The following TENM4 variants were observed in gnomAD, a reference collection of about 807,000 sequenced individuals.
The protein encoded by TENM4 is teneurin-4.
Under a neutral mutation model 243.3 loss-of-function variants are expected in TENM4, and 82 were observed. The ratio of observed to expected loss-of-function variants is 0.34; its 90% CI spans 0.28 to 0.40. TENM4 has a LOEUF of 0.40. TENM4 is among the 10% of genes least tolerant of loss of function. The pLI, the probability that TENM4 is intolerant of heterozygous loss-of-function variation, is 1.00. For synonymous variants in TENM4, 1,412 were observed against 1,456.3 expected (o/e 0.97, Z 0.69); for missense variants, 3,138 against 3,673.3 (o/e 0.85, Z 3.77).
chr11:79,406,926 A>C (rs1338130860), intron 1 of TENM4, among the ~76,000 whole-genome samples: 3 of 152,182 alleles, frequency 2.0e-5, no homozygotes, highest in Non-Finnish European at 4.4e-5. Flanking sequence ...GGAAAGCAAA[A>C]AAATTTGATC....
At chr11:78,857,423 A>G (rs1335393825) in intron 10 of TENM4, among the ~76,000 whole-genome samples, 1 of 152,212 alleles carries the variant, frequency 6.6e-6, no homozygotes, top group East Asian at 1.9e-4. Context: ...TACAAAGCAC[A>G]TTTGATGCTG....
intron 6 of TENM4, among the ~76,000 whole-genome samples, chr11:79,015,929 C>A (rs1052270250): frequency 6.6e-6 from 1 of 151,834 alleles, no homozygotes; most frequent in Non-Finnish European, 1.5e-5. Context: ...TTAGATTGGA[C>A]CTAAAGATGT....
At position 78,670,074 on chromosome 11, in the gene TENM4, C is replaced by T. The variant is rs756638304; in HGVS notation, c.6271G>A (p.Val2091Met). 2 of 1,613,922 alleles carry T rather than the reference C, an allele frequency of 1.2e-6. No homozygotes were observed. Among genetic ancestry groups the T allele is most frequent in the Non-Finnish European group, 1.7e-6 (2 of 1,179,886 alleles). Residue 2091 changes from valine (V) to methionine (M), a missense_variant, in exon 32 of 34, where the codon GTG becomes ATG. By Grantham distance (21) the Val-to-Met change is conservative. Around this residue, in one of 2 missense-constraint regions of TENM4, gnomAD observed 2,467 missense variants for 3,059.1 expected, o/e 0.81. Transcript: ENST00000278550. Reference protein sequence around the residue: ...FDYNYDNSFRVTSMQAVINET... With the variant: ...FDYNYDNSFRMTSMQAVINET... ...TTGATCACAGCCTGCATGCTGGTCA[C>T]CCGGAAGCTGTTGTCATAGTTGTAG...
At chr11:79,143,339 T>C (rs1158182344) in intron 4 of TENM4, among the ~76,000 whole-genome samples, 5 of 152,110 alleles carry the variant, frequency 3.3e-5, no homozygotes, top group East Asian at 1.9e-4. Flanking sequence ...TGGAATACTA[T>C]GCAGCCATAA....
At chr11:79,160,694 AAT>A (rs1862725477) in intron 3 of TENM4, among the ~76,000 whole-genome samples, 1 of 152,198 alleles carries the variant, frequency 6.6e-6, no homozygotes, top group Non-Finnish European at 1.5e-5. Context: ...AGTTGTCAGC[AAT>A]ATCATGGCAG....
chr11:79,407,069 A>G (rs997153199), intron 1 of TENM4, among the ~76,000 whole-genome samples: 1 of 152,196 alleles, frequency 6.6e-6, no homozygotes, highest in African/African-American at 2.4e-5. Context: ...TATTTGGACT[A>G]GAAGTGGCCT....
At chr11:79,367,253 A>G (rs1304897595) in intron 1 of TENM4, among the ~76,000 whole-genome samples, 1 of 152,182 alleles carries the variant, frequency 6.6e-6, no homozygotes, top group Non-Finnish European at 1.5e-5. Context: ...AACCTACTCA[A>G]TACGTGCGGT....
At chr11:78,975,066 T>C (rs574737430) in intron 6 of TENM4, among the ~76,000 whole-genome samples, 85 of 151,078 alleles carry the variant, frequency 5.6e-4, no homozygotes, top group Non-Finnish European at 1.1e-3. Flanking sequence ...ACTAGAGACA[T>C]AGAACTAAGT....
rs575201662 is a variant in TENM4, at chr11:78,832,436, C to T, written c.1682-18041G>A. ...CTTTTGGGAGCAGCATAGTGCTTTG[C>T]GTATGCACGCACACACACAACACCA... On this transcript the variant is annotated intron_variant, in intron 12 of 33. Transcript: ENST00000278550. Among the ~76,000 whole-genome samples, 14 of 152,344 alleles carry T rather than the reference C, an allele frequency of 9.2e-5. No individual in the cohort carries two copies. The East Asian group carries it at 2.3e-3, about 25-fold the overall frequency.
chr11:79,078,907 T>C (rs1048102209), intron 4 of TENM4, among the ~76,000 whole-genome samples: 4 of 152,228 alleles, frequency 2.6e-5, no homozygotes, highest in Admixed American at 1.3e-4. Flanking sequence ...ACCCCAAGGT[T>C]CAAGCTTTTA....
intron 19 of TENM4, among the ~76,000 whole-genome samples, chr11:78,744,322 C>A (rs752299048): frequency 1.3e-4 from 20 of 152,344 alleles, no homozygotes; most frequent in Middle Eastern, 3.4e-3. Context: ...GCTTTTCCAG[C>A]CCAACATCTT....
chr11:78,882,306 C>A (rs1195028023), intron 9 of TENM4, among the ~76,000 whole-genome samples: 1 of 152,214 alleles, frequency 6.6e-6, no homozygotes, highest in East Asian at 1.9e-4. Context: ...CTACACATCT[C>A]ATGTCCATTT....
chr11:79,148,046 G>A (rs1862424900), intron 4 of TENM4, among the ~76,000 whole-genome samples: 1 of 152,056 alleles, frequency 6.6e-6, no homozygotes, highest in South Asian at 2.1e-4. Flanking sequence ...AACACAACAA[G>A]AGTAGAACTG....
intron 6 of TENM4, among the ~76,000 whole-genome samples, chr11:78,929,874 G>T (rs1258539904): frequency 2.6e-5 from 4 of 152,170 alleles, no homozygotes; most frequent in East Asian, 3.9e-4. Flanking sequence ...ACCAGCAAAA[G>T]TTTCTTTGAA....
intron 4 of TENM4, among the ~76,000 whole-genome samples, chr11:79,112,170 G>A (rs930669543): frequency 2.0e-5 from 3 of 152,168 alleles, no homozygotes; most frequent in South Asian, 4.1e-4. Context: ...AGAGATGCAC[G>A]TGTGCGCACA....
At chr11:79,197,232 A>G (rs1416741339) in intron 3 of TENM4, among the ~76,000 whole-genome samples, 1 of 102,898 alleles carries the variant, frequency 9.7e-6, no homozygotes, top group South Asian at 2.6e-4. Context: ...AAGTGGTATC[A>G]TGCCCATTTG....
chr11:79,103,543 A>G (rs1861285884), intron 4 of TENM4, among the ~76,000 whole-genome samples: 1 of 152,164 alleles, frequency 6.6e-6, no homozygotes, highest in African/African-American at 2.4e-5. Flanking sequence ...TCACTCGCAT[A>G]CATTACTGCA....
At chr11:79,167,005 T>C (rs1427361824) in intron 3 of TENM4, among the ~76,000 whole-genome samples, 2 of 152,164 alleles carry the variant, frequency 1.3e-5, no homozygotes, top group Non-Finnish European at 2.9e-5. Flanking sequence ...GAACAGGAAC[T>C]CTTAGAGGCT....
intron 13 of TENM4, among the ~76,000 whole-genome samples, chr11:78,812,729 C>A (rs1857525366): frequency 6.6e-6 from 1 of 152,184 alleles, no homozygotes. Flanking sequence ...TTCCCCACAC[C>A]TCATCTGCAG....
Sources: allele counts gnomAD v4.1 joint callset (sites outside exome capture counted in the v4.1 genomes callset), GRCh38; gene constraint gnomAD v4.1.1; regional missense constraint gnomAD v4.1.1; transcripts MANE v1.5; gene names NCBI Gene and HGNC (gene_info 2026-07-23, HGNC 2026-07-21).